Variants in ZFPM1 observed in about 807,000 individuals in gnomAD.
The protein encoded by ZFPM1 is zinc finger protein, FOG family member 1, also known as zinc finger protein ZFPM1.
In ZFPM1, 28 loss-of-function variants were observed where a neutral mutation model predicts 46.3. The observed-to-expected ratio is 0.60, with a 90% CI of 0.45 to 0.83. The LOEUF (loss-of-function observed/expected upper bound fraction) is 0.83, where lower values mean the gene tolerates loss of function less well. ZFPM1 is among the 40% of genes least tolerant of loss of function. ZFPM1 has a pLI of 0.00. For synonymous variants in ZFPM1, 957 were observed against 675.9 expected, an observed-to-expected ratio of 1.42 and a Z score of -6.45; for missense variants, 1,878 against 1,432.4, an observed-to-expected ratio of 1.31 and a Z score of -5.02.
At chr16:88,485,871 G>A (rs1909191923) in intron 1 of ZFPM1, 68 bp from the exon 2 acceptor site, 2 of 1,482,618 alleles carry the variant, frequency 1.3e-6, no homozygotes. Context: ...CCTATGCCAG[G>A]AGGGGTCAGG....
chr16:88,518,695 G>A (rs1234078908), intron 4 of ZFPM1, among the ~76,000 whole-genome samples: 1 of 148,938 alleles, frequency 6.7e-6, no homozygotes, highest in Admixed American at 6.7e-5. Context: ...ATGGATGGGT[G>A]GATTGATGGA....
chr16:88,487,660 C>T (rs1021644718), intron 2 of ZFPM1, among the ~76,000 whole-genome samples: 3 of 152,186 alleles, frequency 2.0e-5, no homozygotes, highest in African/African-American at 7.2e-5. Flanking sequence ...ATTTCCCAGT[C>T]TGAGTGTCAG....
intron 6 of ZFPM1, 105 bp from the exon 7 acceptor site, chr16:88,531,897 G>C: frequency 9.0e-7 from 1 of 1,112,808 alleles, no homozygotes; most frequent in Non-Finnish European, 1.3e-6. Context: ...CTGGGGTGGG[G>C]AGGACGGTGG....
At position 88,497,110 on chromosome 16, in the gene ZFPM1, AGTC is replaced by A. The variant is rs1909972920; in HGVS notation, c.268+7960_268+7962del. 6.6e-6 allele frequency among the ~76,000 whole-genome samples: 1 copy of A among 152,218 alleles called. No homozygotes were observed. The highest frequency in any genetic ancestry group is 6.5e-5 in the Admixed American group (1 of 15,290). On this transcript the variant is annotated intron_variant, in intron 3 of 9. Transcript: ENST00000319555. The surrounding 1 kb of genome is among the most constrained non-coding windows in gnomAD (Gnocchi z 5.4). Reference sequence around the variant, plus strand: ...AAGGTGAATTCCAGCTGATCACACAAGTCGTGACTTTTCCATCCCCACTCCATC... The same window carrying A: ...AAGGTGAATTCCAGCTGATCACACAAGTGACTTTTCCATCCCCACTCCATC...
chr16:88,502,551 C>A (rs1055123521), intron 3 of ZFPM1, among the ~76,000 whole-genome samples: 7 of 152,210 alleles, frequency 4.6e-5, no homozygotes, highest in Non-Finnish European at 1.5e-5. Context: ...GGCTTGTCCC[C>A]AGCCTCCCAG....
Position 88,534,302 on chromosome 16 carries a change from G to A in ZFPM1, c.2344G>A (p.Ala782Thr). Residue 782 changes from alanine to threonine, a missense_variant, in exon 10 of 10, where the codon GCC becomes ACC. Ala to Thr is a moderately conservative substitution (Grantham distance 58, BLOSUM62 0). Transcript: ENST00000319555. Reference protein sequence around the residue: ...GSGSGSGPGLAPARSPGPAAD... With the variant: ...GSGSGSGPGLTPARSPGPAAD... ...CGGAAGCGGAAGCGGCCCCGGCCTC[G>A]CCCCTGCGCGCTCGCCCGGCCCCGC... The A allele has an allele frequency of 1.6e-6, 2 of 1,254,674 alleles. No homozygotes were observed. The highest frequency in any genetic ancestry group is 1.0e-6 in the Non-Finnish European group (1 of 1,001,648). 77.7% of individuals were successfully genotyped at this position (1,254,674 alleles called of 1,614,324 possible).
At chr16:88,520,951 G>A in intron 4 of ZFPM1, among the ~76,000 whole-genome samples, 2 of 139,420 alleles carry the variant, frequency 1.4e-5, no homozygotes, top group South Asian at 4.8e-4. Context: ...TTAGGTGGGT[G>A]GGTGGATGAT....
rs548889757 is a variant in ZFPM1, at chr16:88,491,612, A to T, written c.268+2459A>T. Reference sequence around the variant, plus strand: ...GGGTTAGATCATCCTCCTGTTCTCCAGACGGAGAAGGCCCTGGGGGATGGA... The same window carrying T: ...GGGTTAGATCATCCTCCTGTTCTCCTGACGGAGAAGGCCCTGGGGGATGGA... On this transcript the variant is annotated intron_variant, in intron 3 of 9. Coordinates refer to ENST00000319555, the MANE Select transcript of ZFPM1 (RefSeq NM_153813.3). Among the ~76,000 whole-genome samples the T allele has an allele frequency of 5.9e-5, 9 of 152,276 alleles. No homozygotes were observed. The East Asian group carries it at 7.7e-4, about 13-fold the overall frequency.
chr16:88,512,036 A>G (rs1007316842), intron 3 of ZFPM1, among the ~76,000 whole-genome samples: 2 of 152,100 alleles, frequency 1.3e-5, no homozygotes, highest in African/African-American at 4.8e-5. Context: ...TGGAACGGCC[A>G]CCTTTATCAG....
chr16:88,484,012 G>C (rs186180397), intron 1 of ZFPM1, among the ~76,000 whole-genome samples: 41 of 152,318 alleles, frequency 2.7e-4, no homozygotes, highest in African/African-American at 9.4e-4. Context: ...CGGGTGGCAC[G>C]TTTCTTACTG....
intron 3 of ZFPM1, among the ~76,000 whole-genome samples, chr16:88,491,063 G>A (rs1055881948): frequency 3.3e-5 from 5 of 151,800 alleles, no homozygotes; most frequent in Non-Finnish European, 5.9e-5. Flanking sequence ...TCGGTCAGGC[G>A]CTGGTGCCTT....
At chr16:88,526,237 G>A (rs1912308501) in intron 4 of ZFPM1, among the ~76,000 whole-genome samples, 1 of 152,220 alleles carries the variant, frequency 6.6e-6, no homozygotes, top group Non-Finnish European at 1.5e-5. Flanking sequence ...CCTGTGGCAG[G>A]GAGGGGAGCC....
At position 88,500,330 on chromosome 16, in the gene ZFPM1, G is replaced by A. The variant is rs554379494; in HGVS notation, c.268+11177G>A. Among the ~76,000 whole-genome samples, 534 of 152,364 alleles carry A rather than the reference G, an allele frequency of 3.5e-3. 4 individuals are homozygous for A. The highest frequency in any genetic ancestry group is 0.012 in the African/African-American group (513 of 41,582). On this transcript the variant is annotated intron_variant, in intron 3 of 9. Coordinates refer to ENST00000319555, the MANE Select transcript of ZFPM1 (RefSeq NM_153813.3). ...GCTCCCCCCATGAGCTGGTGGCCTC[G>A]TCAGGAAGACGGCCACAGGGCGCTC...
At chr16:88,476,568 A>T (rs113006907) in intron 1 of ZFPM1, among the ~76,000 whole-genome samples, 1 of 151,654 alleles carries the variant, frequency 6.6e-6, no homozygotes, top group African/African-American at 2.4e-5. Flanking sequence ...ACCAGGTGGG[A>T]GCTGGGTAGG....
chr16:88,533,038 C>G, intron 9 of ZFPM1, 103 bp downstream of exon 9: 1 of 1,515,360 alleles, frequency 6.6e-7, no homozygotes, highest in South Asian at 1.3e-5. Flanking sequence ...TTTCAGCCTT[C>G]GCTCTAAACC....
intron 1 of ZFPM1, among the ~76,000 whole-genome samples, chr16:88,473,388 C>T (rs78597117): frequency 0.045 from 6,925 of 152,318 alleles, 540 homozygotes; most frequent in African/African-American, 0.16. Flanking sequence ...TGTACAGCCA[C>T]TGATGAGGGG....
At chr16:88,485,187 A>T (rs943274665) in intron 1 of ZFPM1, among the ~76,000 whole-genome samples, 2 of 152,136 alleles carry the variant, frequency 1.3e-5, no homozygotes, top group Non-Finnish European at 2.9e-5. Flanking sequence ...CAGGGCCTGG[A>T]TGGACGCTGG....
At chr16:88,462,319 AG>A in intron 1 of ZFPM1, among the ~76,000 whole-genome samples, 1 of 152,296 alleles carries the variant, frequency 6.6e-6, no homozygotes, top group South Asian at 2.1e-4. Context: ...AGCTGAAGTG[AG>A]CCCGGCGTGC....
At chr16:88,494,499 C>G (rs929155611) in intron 3 of ZFPM1, among the ~76,000 whole-genome samples, 2 of 152,124 alleles carry the variant, frequency 1.3e-5, no homozygotes, top group Non-Finnish European at 2.9e-5. Context: ...CCAATCACAA[C>G]ACACCAAACC....
Sources: gnomAD v4.1 joint callset for allele counts (sites outside exome capture counted in the v4.1 genomes callset) on GRCh38, gnomAD v4.1.1 for gene constraint, Gnocchi (gnomAD v3.1) non-coding constraint, MANE v1.5 for transcripts, NCBI Gene and HGNC (gene_info 2026-07-23, HGNC 2026-07-21) for gene names.